Variants in FOXJ3 observed in about 807,000 individuals in gnomAD.
FOXJ3 encodes the protein forkhead box J3, also known as forkhead box protein J3.
A neutral mutation model predicts 76.1 loss-of-function variants in FOXJ3; 22 were observed. The ratio of observed to expected loss-of-function variants is 0.29; its 90% CI spans 0.21 to 0.41. FOXJ3 has a LOEUF of 0.41. Among genes scored for constraint, FOXJ3 ranks in the 10% least tolerant of loss-of-function variants. The pLI, the probability that FOXJ3 is intolerant of heterozygous loss-of-function variation, is 1.00. For missense variants in FOXJ3, 613 were observed against 762.1 expected (o/e 0.80, Z 2.30); for synonymous variants, 269 against 261.2 (o/e 1.03, Z -0.29).
intron 5 of FOXJ3, among the ~76,000 whole-genome samples, chr1:42,227,239 G>A (rs1465124166): frequency 1.3e-5 from 2 of 152,358 alleles, no homozygotes; most frequent in East Asian, 3.8e-4. Flanking sequence ...AGGTAGGATG[G>A]ATATGTGTTT....
intron 3 of FOXJ3, among the ~76,000 whole-genome samples, chr1:42,273,978 T>C (rs1359748648): frequency 6.6e-6 from 1 of 152,176 alleles, no homozygotes; most frequent in Admixed American, 6.5e-5. Flanking sequence ...GGCACCTTTT[T>C]TGCTTTCCCC....
chr1:42,211,000 C>T (rs552247956), intron 5 of FOXJ3, among the ~76,000 whole-genome samples: 17 of 152,290 alleles, frequency 1.1e-4, no homozygotes, highest in African/African-American at 4.1e-4. Flanking sequence ...GACTGCAGGC[C>T]TCAAGTCCTT....
At chr1:42,232,068 G>T (rs531564004) in intron 4 of FOXJ3, among the ~76,000 whole-genome samples, 1 of 152,094 alleles carries the variant, frequency 6.6e-6, no homozygotes, top group Admixed American at 6.5e-5. Flanking sequence ...TTGTCCTTGC[G>T]ATAGTTTGCT....
intron 2 of FOXJ3, among the ~76,000 whole-genome samples, chr1:42,302,671 T>C (rs1039444746): frequency 1.3e-5 from 2 of 152,234 alleles, no homozygotes; most frequent in African/African-American, 4.8e-5. Flanking sequence ...AAGATACATC[T>C]CTGCACTAAG....
At chr1:42,221,843 G>A (rs759088554) in intron 5 of FOXJ3, among the ~76,000 whole-genome samples, 2 of 147,780 alleles carry the variant, frequency 1.4e-5, no homozygotes, top group African/African-American at 2.5e-5. Context: ...CCAAACACAG[G>A]TGGCTCACAC....
intron 4 of FOXJ3, among the ~76,000 whole-genome samples, chr1:42,242,997 A>C (rs1649270399): frequency 6.6e-6 from 1 of 152,244 alleles, no homozygotes; most frequent in Admixed American, 6.5e-5. Context: ...TGGATTTCTC[A>C]GCAGAAACCT....
At chr1:42,182,351 C>T (rs552540326) in intron 11 of FOXJ3, among the ~76,000 whole-genome samples, 5 of 152,268 alleles carry the variant, frequency 3.3e-5, no homozygotes, top group Admixed American at 1.3e-4. Flanking sequence ...TTCATCTGAC[C>T]CTCCCACTAA....
At chr1:42,290,098 G>T (rs966836357) in intron 2 of FOXJ3, among the ~76,000 whole-genome samples, 2 of 152,016 alleles carry the variant, frequency 1.3e-5, no homozygotes, top group Non-Finnish European at 2.9e-5. Context: ...TCCTATGCTG[G>T]AGGAGAAGAA....
chr1:42,261,570 T>C (rs781034438), intron 4 of FOXJ3, among the ~76,000 whole-genome samples: 1 of 152,152 alleles, frequency 6.6e-6, no homozygotes, highest in Non-Finnish European at 1.5e-5. Context: ...GATAGCCACA[T>C]AAAAACATCT....
chr1:42,250,507 C>T lies in FOXJ3; in HGVS notation c.444+14608G>A, dbSNP rs58320656. Among the ~76,000 whole-genome samples, 421 of 152,194 alleles carry T rather than the reference C, an allele frequency of 2.8e-3. 2 individuals are homozygous for T. The highest frequency in any genetic ancestry group is 9.8e-3 in the African/African-American group (406 of 41,528). Reference sequence around the variant, plus strand: ...TGCTTGAATCCATTTCACCAATTACCTATGCATATACACAAGAAGGACCAA... The same window carrying T: ...TGCTTGAATCCATTTCACCAATTACTTATGCATATACACAAGAAGGACCAA... On this transcript the variant is annotated intron_variant, in intron 4 of 12. Coordinates refer to ENST00000361346, the MANE Select transcript of FOXJ3 (RefSeq NM_014947.5).
intron 12 of FOXJ3, among the ~76,000 whole-genome samples, chr1:42,180,027 T>C (rs1477646664): frequency 1.3e-5 from 2 of 152,100 alleles, no homozygotes; most frequent in Non-Finnish European, 2.9e-5. Flanking sequence ...TTACCCAAAG[T>C]CACACAACCA....
At chr1:42,323,185 C>T (rs1655534799) in intron 1 of FOXJ3, among the ~76,000 whole-genome samples, 1 of 152,126 alleles carries the variant, frequency 6.6e-6, no homozygotes, top group South Asian at 2.1e-4. Context: ...TAATATTTTC[C>T]AGAGGATTTC....
At position 42,179,588 on chromosome 1, in the gene FOXJ3, T is replaced by A; in HGVS notation, c.*122A>T. The A allele has an allele frequency of 1.6e-6, 1 of 614,344 alleles. No individual in the cohort carries two copies. The highest frequency in any genetic ancestry group is 2.8e-5 in the East Asian group (1 of 36,032). The allele number at this position is 614,344 out of a possible 1,614,324, so 38.1% of individuals were successfully genotyped here. On this transcript the variant is annotated 3_prime_UTR_variant, in exon 13 of 13. Transcript: ENST00000361346. ...AAATCCTTCTGATTGTCTTCAAAAG[T>A]AATTTTGATAACATTGGTAAAGTGA...
intron 6 of FOXJ3, among the ~76,000 whole-genome samples, chr1:42,203,075 C>A (rs1646793927): frequency 6.6e-6 from 1 of 152,150 alleles, no homozygotes; most frequent in Non-Finnish European, 1.5e-5. Flanking sequence ...ACGTTTTCTA[C>A]AGACCTATCT....
At chr1:42,214,720 G>A (rs1383096108) in intron 5 of FOXJ3, among the ~76,000 whole-genome samples, 3 of 152,220 alleles carry the variant, frequency 2.0e-5, no homozygotes, top group South Asian at 4.1e-4. Context: ...GATGTGGAGT[G>A]CAGACAGCTA....
At chr1:42,192,398 T>C (rs930777657) in intron 8 of FOXJ3, among the ~76,000 whole-genome samples, 1 of 152,172 alleles carries the variant, frequency 6.6e-6, no homozygotes, top group Non-Finnish European at 1.5e-5. Flanking sequence ...CTACACAGGA[T>C]AGGGCCCAAC....
chr1:42,195,266 T>C (rs1361309790), intron 7 of FOXJ3, among the ~76,000 whole-genome samples: 6 of 152,176 alleles, frequency 3.9e-5, no homozygotes. Context: ...ACTGTAGAAG[T>C]CTAACCCAAC....
intron 2 of FOXJ3, among the ~76,000 whole-genome samples, chr1:42,293,562 A>G (rs920078439): frequency 1.3e-5 from 2 of 152,168 alleles, no homozygotes; most frequent in African/African-American, 4.8e-5. Context: ...GTTCTTCTTG[A>G]TATCAATAGC....
chr1:42,192,763 G>GA (rs11331928), intron 8 of FOXJ3, among the ~76,000 whole-genome samples: 1,997 of 137,920 alleles, frequency 0.014, 20 homozygotes, highest in Non-Finnish European at 0.02. Flanking sequence ...TTTATTGAAT[G>GA]AAAAAAAAAA....
Sources: allele counts gnomAD v4.1 joint callset (sites outside exome capture counted in the v4.1 genomes callset), GRCh38; gene constraint gnomAD v4.1.1; transcripts MANE v1.5; gene names NCBI Gene and HGNC (gene_info 2026-07-23, HGNC 2026-07-21).